Variants in SYNC observed in about 807,000 individuals in gnomAD.
SYNC encodes syncoilin, intermediate filament protein, also known as syncoilin.
A neutral mutation model predicts 49.5 loss-of-function variants in SYNC; 38 were observed. The ratio of observed to expected loss-of-function variants is 0.77; its 90% confidence interval spans 0.59 to 1.01. SYNC has a LOEUF of 1.01. Ranked by LOEUF, SYNC falls within the 50% of genes least tolerant of loss-of-function variation. The pLI is 0.00. For synonymous variants in SYNC, 201 were observed against 230.8 expected (o/e 0.87, Z 1.17); for missense variants, 579 against 580.6 (o/e 1.00, Z 0.03).
intron 2 of SYNC, among the ~76,000 whole-genome samples, chr1:32,689,712 G>A (rs888393495): frequency 1.3e-5 from 2 of 152,106 alleles, no homozygotes; most frequent in Admixed American, 6.5e-5. Context: ...GGAAGCCGAG[G>A]CGGGCAGATC....
intron 2 of SYNC, among the ~76,000 whole-genome samples, chr1:32,691,390 ACT>A (rs1650157688): frequency 3.5e-4 from 3 of 8,662 alleles, no homozygotes; most frequent in African/African-American, 4.2e-4. Flanking sequence ...AGAGACTCCG[ACT>A]AAAAAAAAAT....
rs1649332994 is a variant in SYNC at position 32,680,152 on chromosome 1, T to C, written c.*1698A>G. 2.8e-6 allele frequency: 3 copies of C among 1,077,430 alleles called. No homozygotes were observed. The highest frequency in any genetic ancestry group is 3.4e-5 in the South Asian group (1 of 29,094). The allele number at this position is 1,077,430 out of a possible 1,614,324, so 66.7% of individuals were successfully genotyped here. ...GGGAGATTCAAGTCATATAGATTCC[T>C]ACTCGAAAATCTTGACACCTGACTT... On this transcript the variant is annotated 3_prime_UTR_variant, in exon 5 of 5. Transcript: ENST00000409190.
At chr1:32,683,568 C>T (rs77721490) in intron 4 of SYNC, 5,917 of 153,584 alleles carry the variant, frequency 0.039, 233 homozygotes, top group East Asian at 0.12. Flanking sequence ...CTGACTCAGG[C>T]GTTTTGGAGG....
intron 2 of SYNC, among the ~76,000 whole-genome samples, chr1:32,688,260 G>A (rs1005134998): frequency 3.3e-5 from 5 of 152,058 alleles, no homozygotes; most frequent in African/African-American, 1.2e-4. Flanking sequence ...GCAAATCACT[G>A]CTCTGCCTTA....
At chr1:32,702,803 C>T (rs948429995), upstream of SYNC, 1 of 640,502 alleles carries the variant, frequency 1.6e-6, no homozygotes, top group Non-Finnish European at 2.0e-6. The surrounding 1 kb of genome is among the most constrained non-coding windows in gnomAD (Gnocchi z 6.2). Flanking sequence ...CCCACTTGGC[C>T]GGGGCTCCTG....
chr1:32,695,469 T>C lies in SYNC; in HGVS notation c.629A>G (p.Glu210Gly). 1 of 1,551,450 alleles carries C rather than the reference T, an allele frequency of 6.4e-7. No homozygotes were observed. Among genetic ancestry groups the C allele is most frequent in the Non-Finnish European group, 8.7e-7 (1 of 1,146,974 alleles). Reference protein sequence around the residue: ...LVLLREPALQEVQQVHQDILA... With the variant: ...LVLLREPALQGVQQVHQDILA... ...GATGTCTTGATGGACTTGCTGTACC[T>C]CCTGCAGGGCTGGTTCCCGGAGCAA... The change falls in exon 2 of 5, where the codon GAG becomes GGG. Residue 210 changes from glutamate to glycine, a missense_variant. By Grantham distance (98) the Glu-to-Gly change is moderately conservative. Transcript: ENST00000409190.
chr1:32,689,080 A>G (rs1650032707), intron 2 of SYNC, among the ~76,000 whole-genome samples: 1 of 150,970 alleles, frequency 6.6e-6, no homozygotes, highest in Admixed American at 6.6e-5. Context: ...CTGGGAACAC[A>G]GGCACATGCC....
intron 2 of SYNC, among the ~76,000 whole-genome samples, chr1:32,687,361 CA>C (rs11383471): frequency 0.012 from 1,478 of 123,554 alleles, 21 homozygotes; most frequent in East Asian, 0.037. Context: ...GACTTCATCT[CA>C]AAAAAAAAAA....
intron 2 of SYNC, chr1:32,684,737 G>A (rs1649701993): frequency 5.7e-6 from 1 of 176,928 alleles, no homozygotes; most frequent in Admixed American, 5.7e-5. Context: ...TCCATGTGCA[G>A]GTTTGTTAAG....
At position 32,696,053 on chromosome 1, in the gene SYNC, G is replaced by C; in HGVS notation, c.54-9C>G. The C allele has an allele frequency of 1.3e-6, 2 of 1,531,206 alleles. No individual in the cohort carries two copies. Among genetic ancestry groups the C allele is most frequent in the East Asian group, 4.9e-5 (2 of 40,866 alleles). The allele number at this position is 1,531,206 out of a possible 1,614,324, so 94.9% of individuals were successfully genotyped here. ...CCTCTACTCTTGTTTTCCTGCAAAAGAAATGATTGAAAGTGAAAGGGCAGC... is the reference window on the plus strand; with the variant it reads ...CCTCTACTCTTGTTTTCCTGCAAAACAAATGATTGAAAGTGAAAGGGCAGC... On this transcript the variant is annotated splice_polypyrimidine_tract_variant and intron_variant, in intron 1 of 4. Transcript: ENST00000409190.
chr1:32,693,364 C>T (rs112077703), intron 2 of SYNC, among the ~76,000 whole-genome samples: 10,974 of 152,242 alleles, frequency 0.072, 1,316 homozygotes, highest in African/African-American at 0.25. Flanking sequence ...GGATTACAGG[C>T]GTGAGCCACC....
rs1394780243 is a variant in SYNC at position 32,695,015 on chromosome 1, C to A, written c.1083G>T (p.Leu361=). The A allele has an allele frequency of 6.2e-7, 1 of 1,614,058 alleles. No individual in the cohort carries two copies. Among genetic ancestry groups the A allele is most frequent in the East Asian group, 2.2e-5 (1 of 44,858 alleles). The part of the protein sequence containing the change: ...LERKEAGTKA[L]QRTQAEIQEM... Reference sequence around the variant, plus strand: ...CCTGGATCTCAGCCTGGGTTCTCTGCAGAGCTTTGGTCCCAGCTTCTTTCC... The same window carrying A: ...CCTGGATCTCAGCCTGGGTTCTCTGAAGAGCTTTGGTCCCAGCTTCTTTCC... Residue 361 remains leucine, a synonymous_variant, in exon 2 of 5, where the codon CTG becomes CTT. Transcript: ENST00000409190.
At chr1:32,687,202 A>C (rs1256685914) in intron 2 of SYNC, among the ~76,000 whole-genome samples, 12 of 152,024 alleles carry the variant, frequency 7.9e-5, no homozygotes, top group Non-Finnish European at 1.8e-4. Context: ...TCTACTAAAA[A>C]TACAAAAAAT....
chr1:32,685,766 T>G (rs1240186027), intron 2 of SYNC: 1 of 152,208 alleles, frequency 6.6e-6, no homozygotes, highest in Non-Finnish European at 1.5e-5. Context: ...GGAAAAGCAG[T>G]CTGCACCACC....
rs1284050819 is a variant in SYNC at position 32,695,972 on chromosome 1, G to A, written c.126C>T (p.Asn42=). The A allele has an allele frequency of 6.5e-7, 1 of 1,544,778 alleles. No homozygotes were observed. The highest frequency in any genetic ancestry group is 1.4e-5 in the African/African-American group (1 of 73,166). ...CCTCTGAAGATAGAGTAACTTCTGGGTTCAAGGCTTCTGCCTCATTTAGGG... is the reference window on the plus strand; with the variant it reads ...CCTCTGAAGATAGAGTAACTTCTGGATTCAAGGCTTCTGCCTCATTTAGGG... ...SGSLNEAEAL[N]PEVTLSSEGS... Residue 42 remains asparagine (N), a synonymous_variant, in exon 2 of 5, where the codon AAC becomes AAT. Coordinates refer to ENST00000409190, the MANE Select transcript of SYNC (RefSeq NM_030786.3).
At position 32,680,663 on chromosome 1, in the gene SYNC, G is replaced by GGGGTT; in HGVS notation, c.*1186_*1187insAACCC. 1.0e-6 allele frequency: 1 copy of GGGGTT among 960,342 alleles called. No homozygotes were observed. Among genetic ancestry groups the GGGGTT allele is most frequent in the Non-Finnish European group, 1.6e-6 (1 of 637,584 alleles). The allele number at this position is 960,342 out of a possible 1,614,324, so 59.5% of individuals were successfully genotyped here. ...TTGCTTTTCTACATAACCCCATGCT[G>GGGGTT]ATGGGTTTTATTTAGTATAAAACAT... is the stretch of plus-strand genomic sequence containing the variant. On this transcript the variant is annotated 3_prime_UTR_variant, in exon 5 of 5. Coordinates refer to ENST00000409190, the MANE Select transcript of SYNC (RefSeq NM_030786.3).
intron 4 of SYNC, chr1:32,683,292 G>GTT (rs1649576783): frequency 6.7e-6 from 1 of 148,580 alleles, no homozygotes; most frequent in African/African-American, 2.5e-5. Flanking sequence ...AAAAGAGTAA[G>GTT]TCTGTGTAAC....
chr1:32,688,345 T>A (rs1178769640), intron 2 of SYNC, among the ~76,000 whole-genome samples: 1 of 152,114 alleles, frequency 6.6e-6, no homozygotes, highest in African/African-American at 2.4e-5. Context: ...TTATTTTGTG[T>A]AAAGAACTTC....
upstream of SYNC, chr1:32,703,188 G>A (rs1319599672): frequency 6.6e-6 from 1 of 152,128 alleles, no homozygotes; most frequent in Non-Finnish European, 1.5e-5. Context: ...GGGCACTCCG[G>A]GCTGTCCCCG....
Sources: gnomAD v4.1 joint callset for allele counts (sites outside exome capture counted in the v4.1 genomes callset) on GRCh38, gnomAD v4.1.1 for gene constraint, Gnocchi (gnomAD v3.1) non-coding constraint, MANE v1.5 for transcripts, NCBI Gene and HGNC (gene_info 2026-07-23, HGNC 2026-07-21) for gene names.